MCM3: variants seen among roughly 807,000 people sequenced by gnomAD.
MCM3 encodes minichromosome maintenance complex component 3, also known as DNA replication licensing factor MCM3.
A neutral mutation model predicts 91.3 loss-of-function variants in MCM3; 59 were observed. That is an observed-to-expected ratio of 0.65 (90% CI 0.52 to 0.80). The LOEUF (loss-of-function observed/expected upper bound fraction) is 0.80, where lower values mean the gene tolerates loss of function less well. Among genes scored for constraint, MCM3 ranks in the 30% least tolerant of loss-of-function variants. The pLI, the probability that MCM3 is intolerant of heterozygous loss-of-function variation, is 0.00. For synonymous variants in MCM3, 383 were observed against 379.6 expected (o/e 1.01, Z -0.10); for missense variants, 919 against 1,035.4 (o/e 0.89, Z 1.54).
chr6:52,268,785 AAAGG>A (rs1459961726), intron 13 of MCM3, among the ~76,000 whole-genome samples: 1 of 152,114 alleles, frequency 6.6e-6, no homozygotes, highest in Non-Finnish European at 1.5e-5. Context: ...TTTAAGATGC[AAAGG>A]AAGTAGGGGT....
At chr6:52,282,259 G>A (rs1766172892) in intron 3 of MCM3, 84 bp from the exon 4 acceptor site, 1 of 1,255,916 alleles carries the variant, frequency 8.0e-7, no homozygotes, top group Non-Finnish European at 1.2e-6. Context: ...AGCCTATAAT[G>A]ACTCCAAATA....
chr6:52,284,264 C>G (rs772347105), intron 1 of MCM3, among the ~76,000 whole-genome samples: 14 of 152,208 alleles, frequency 9.2e-5, no homozygotes, highest in Non-Finnish European at 1.8e-4. Flanking sequence ...GCCCCTCCCC[C>G]ACAGTCTCCT....
rs577301412 is a variant in MCM3, at chr6:52,278,044, G to A, written c.880-356C>T. 1.0e-4 allele frequency among the ~76,000 whole-genome samples: 13 copies of A among 125,958 alleles called. No individual in the cohort carries two copies. The East Asian group carries it at 1.4e-3, about 14-fold the overall frequency. The allele number at this position is 125,958 out of a possible 152,430, so 82.6% of individuals were successfully genotyped here. A position where few individuals can be genotyped will look rare whatever the true frequency, so the allele number is the denominator to read the frequency against. On this transcript the variant is annotated intron_variant, in intron 6 of 16. Coordinates refer to ENST00000596288, the MANE Select transcript of MCM3 (RefSeq NM_002388.6). ...GATCGCACCATTGCACTCCAGCCTCGGTCACAGAGCAAGATTCCGTCTCAC... is the reference window on the plus strand; with the variant it reads ...GATCGCACCATTGCACTCCAGCCTCAGTCACAGAGCAAGATTCCGTCTCAC...
At chr6:52,280,613 A>C (rs1581744754) in intron 4 of MCM3, among the ~76,000 whole-genome samples, 1 of 152,250 alleles carries the variant, frequency 6.6e-6, no homozygotes. Context: ...CAACCTCCAG[A>C]AGATCTGGTC....
At chr6:52,275,927 C>G (rs1765514341) in intron 9 of MCM3, 1 of 180,672 alleles carries the variant, frequency 5.5e-6, no homozygotes, top group Non-Finnish European at 1.1e-5. Context: ...GAGAGAGAAG[C>G]AAGTCTTTTC....
At chr6:52,265,977 G>A in intron 16 of MCM3, 98 bp downstream of exon 16, 1 of 950,300 alleles carries the variant, frequency 1.1e-6, no homozygotes, top group East Asian at 2.5e-5. Flanking sequence ...TTCTATTGAT[G>A]ACCAGCAGTT....
At chr6:52,277,238 C>G (rs745847888) in intron 7 of MCM3, 40 bp from the exon 8 acceptor site, 2 of 1,588,718 alleles carry the variant, frequency 1.3e-6, no homozygotes, top group Non-Finnish European at 1.7e-6. Flanking sequence ...AGGAAACTCC[C>G]CAGCACCCCC....
chr6:52,267,531 T>C (rs1352754392), intron 14 of MCM3, among the ~76,000 whole-genome samples: 3 of 149,222 alleles, frequency 2.0e-5, no homozygotes, highest in Non-Finnish European at 3.0e-5. Context: ...CTTACTACTT[T>C]TTTTTTTTTT....
chr6:52,270,037 A>G (rs917259511), intron 12 of MCM3, among the ~76,000 whole-genome samples: 1 of 152,190 alleles, frequency 6.6e-6, no homozygotes, highest in Admixed American at 6.5e-5. Flanking sequence ...ACATGAAACT[A>G]CTTCCAGCCC....
intron 4 of MCM3, among the ~76,000 whole-genome samples, chr6:52,280,927 GT>G (rs869182525): frequency 6.6e-6 from 1 of 152,296 alleles, no homozygotes; most frequent in Non-Finnish European, 1.5e-5. Flanking sequence ...ATATTCATTC[GT>G]TTTTGTTTAT....
chr6:52,279,046 ACCTC>A (rs1765831577), intron 5 of MCM3, among the ~76,000 whole-genome samples, 196 bp from the exon 6 acceptor site: 1 of 152,140 alleles, frequency 6.6e-6, no homozygotes, highest in African/African-American at 2.4e-5. Context: ...ATCATGCCCC[ACCTC>A]TGGAATTGAC....
In MCM3 at chr6:52,284,614, C is replaced by T. The variant is rs774463729; in HGVS notation, c.61G>A (p.Asp21Asn). 1 of 1,608,838 alleles carries T rather than the reference C, an allele frequency of 6.2e-7. No homozygotes were observed. Among genetic ancestry groups the T allele is most frequent in the South Asian group, 1.1e-5 (1 of 90,316 alleles). ...ELREAQRDYLDFLDDEEDQGI... is the reference protein window; with the variant it reads ...ELREAQRDYLNFLDDEEDQGI... Reference sequence around the variant, plus strand: ...TCCCTCACCTCGTCGTCCAGGAAGTCCAGGTAATCTCTCTGAGCCTCCCGC... The same window carrying T: ...TCCCTCACCTCGTCGTCCAGGAAGTTCAGGTAATCTCTCTGAGCCTCCCGC... The change falls in exon 1 of 17, where the codon GAC becomes AAC. Residue 21 changes from aspartate (D) to asparagine (N), a missense_variant. By Grantham distance (23) the Asp-to-Asn change is conservative. Around this residue, in one of 3 missense-constraint regions of MCM3, gnomAD observed 401 missense variants for 402.7 expected, o/e 1.00. Coordinates refer to ENST00000596288, the MANE Select transcript of MCM3 (RefSeq NM_002388.6).
At position 52,266,542 on chromosome 6, in the gene MCM3, CACAGAGCAACTGGAAA is replaced by C. The variant is rs1764655540; in HGVS notation, c.2158+53_2158+68del. Reference sequence around the variant, plus strand: ...CAGGAGTCCACAAGAAAATAAAGTGCACAGAGCAACTGGAAAAGTCCAAGAGTCACAGGAACAACCT... The same window carrying C: ...CAGGAGTCCACAAGAAAATAAAGTGCAGTCCAAGAGTCACAGGAACAACCT... On this transcript the variant is annotated intron_variant, in intron 15 of 16. Transcript: ENST00000596288. The C allele has an allele frequency of 2.2e-6, 3 of 1,390,466 alleles. No homozygotes were observed. In the Admixed American group the frequency reaches 5.1e-5, roughly 23 times the overall value. The allele number at this position is 1,390,466 out of a possible 1,614,324, so 86.1% of individuals were successfully genotyped here.
chr6:52,269,305 G>GACACTACC, intron 12 of MCM3, 79 bp from the exon 13 acceptor site: 1 of 1,442,516 alleles, frequency 6.9e-7, no homozygotes, highest in Non-Finnish European at 9.4e-7. Context: ...AAAGGGAAAT[G>GACACTACC]ACACTACCAG....
intron 16 of MCM3, 91 bp downstream of exon 16, chr6:52,265,984 A>C: frequency 9.8e-7 from 1 of 1,019,992 alleles, no homozygotes; most frequent in African/African-American, 1.6e-5. Context: ...GATGACCAGC[A>C]GTTTGTTTCC....
chr6:52,284,460 T>G lies in MCM3; in HGVS notation c.78+137A>C, dbSNP rs560106026. The G allele has an allele frequency of 1.3e-4, 92 of 697,232 alleles. No homozygotes were observed. The African/African-American group carries it at 1.4e-3, about 11-fold the overall frequency. 43.2% of individuals were successfully genotyped at this position (697,232 alleles called of 1,614,324 possible). On this transcript the variant is annotated intron_variant, in intron 1 of 16. Coordinates refer to ENST00000596288, the MANE Select transcript of MCM3 (RefSeq NM_002388.6). ...AGTCCGGCGTTGAGAAGTTACAAGA[T>G]TGGGGCTGGAGGCTCGGGCCCGGCA...
intron 14 of MCM3, 38 bp from the exon 15 acceptor site, chr6:52,266,734 T>G: frequency 6.5e-7 from 1 of 1,550,072 alleles, no homozygotes; most frequent in Non-Finnish European, 8.9e-7. Context: ...AGAAAGAGTT[T>G]GGAGACAGAA....
rs750018520 is a variant in MCM3, at chr6:52,278,693, A to T, written c.879+49T>A. The T allele has an allele frequency of 2.3e-6, 3 of 1,317,334 alleles. No individual in the cohort carries two copies. In the Admixed American group the frequency reaches 5.3e-5, roughly 23 times the overall value. The allele number at this position is 1,317,334 out of a possible 1,614,324, so 81.6% of individuals were successfully genotyped here. On this transcript the variant is annotated intron_variant, in intron 6 of 16. Coordinates refer to ENST00000596288, the MANE Select transcript of MCM3 (RefSeq NM_002388.6). ...AAAAATAGCCATGCACCAAAACACAACTCTTAGAAATCCATTCCCACCCTC... is the reference window on the plus strand; with the variant it reads ...AAAAATAGCCATGCACCAAAACACATCTCTTAGAAATCCATTCCCACCCTC...
intron 11 of MCM3, 86 bp downstream of exon 11, chr6:52,273,144 A>G: frequency 6.5e-7 from 1 of 1,531,154 alleles, no homozygotes; most frequent in African/African-American, 1.4e-5. Context: ...TGGGCATATA[A>G]GGCCTTAGCT....
Sources: allele counts gnomAD v4.1 joint callset (sites outside exome capture counted in the v4.1 genomes callset), GRCh38; gene constraint gnomAD v4.1.1; regional missense constraint gnomAD v4.1.1; transcripts MANE v1.5; gene names NCBI Gene and HGNC (gene_info 2026-07-23, HGNC 2026-07-21).